Variants in RAP1GAP2 observed in about 807,000 individuals in gnomAD.
The protein encoded by RAP1GAP2 is RAP1 GTPase activating protein 2.
In RAP1GAP2, 27 loss-of-function variants were observed where a neutral mutation model predicts 95.0. That is an observed-to-expected ratio of 0.28 (90% CI 0.21 to 0.39). The LOEUF (loss-of-function observed/expected upper bound fraction) is 0.39, where lower values mean the gene tolerates loss of function less well. RAP1GAP2 is among the 10% of genes least tolerant of loss of function. The pLI, the probability that RAP1GAP2 is intolerant of heterozygous loss-of-function variation, is 1.00. For missense variants in RAP1GAP2, 771 were observed against 970.0 expected (o/e 0.79, Z 2.72); for synonymous variants, 373 against 380.9 (o/e 0.98, Z 0.24).
rs1461104147 is a variant in RAP1GAP2, at chr17:3,003,471, C to T, written c.1201-1898C>T. On this transcript the variant is annotated intron_variant, in intron 14 of 24. Transcript: ENST00000254695. The surrounding 1 kb of genome is among the most constrained non-coding windows in gnomAD (Gnocchi z 4.1). ...AGGGCCCTGTCTTTGTAGCCCCCTCCCCGTTTCCCGTCACGACTTGTCTGT... is the reference window on the plus strand; with the variant it reads ...AGGGCCCTGTCTTTGTAGCCCCCTCTCCGTTTCCCGTCACGACTTGTCTGT... 3.9e-5 allele frequency among the ~76,000 whole-genome samples: 6 copies of T among 152,144 alleles called. No homozygotes were observed.
intron 2 of RAP1GAP2, among the ~76,000 whole-genome samples, chr17:2,826,147 A>ATTTTTTTTTT (rs71150901): frequency 3.8e-3 from 410 of 108,470 alleles, no homozygotes; most frequent in African/African-American, 5.6e-3. Flanking sequence ...CGCCCAGCAA[A>ATTTTTTTTTT]TTTTTTTTTT....
intron 1 of RAP1GAP2, among the ~76,000 whole-genome samples, chr17:2,783,274 CT>C (rs1315141885): frequency 6.6e-6 from 1 of 152,180 alleles, no homozygotes; most frequent in Non-Finnish European, 1.5e-5. Flanking sequence ...CCCTAGCCAT[CT>C]GGTCCCATTT....
At chr17:3,032,502 T>A in intron 24 of RAP1GAP2, 53 bp downstream of exon 24, 1 of 1,554,662 alleles carries the variant, frequency 6.4e-7, no homozygotes, top group Non-Finnish European at 8.9e-7. Flanking sequence ...TGTGTTTCTT[T>A]TAGATCAGGG....
intron 2 of RAP1GAP2, among the ~76,000 whole-genome samples, chr17:2,821,513 C>T (rs565136770): frequency 6.6e-6 from 1 of 151,948 alleles, no homozygotes; most frequent in East Asian, 1.9e-4. Flanking sequence ...GTAGCTGGGA[C>T]CACAGCATCT....
chr17:2,787,198 C>T (rs2068804600), intron 1 of RAP1GAP2, among the ~76,000 whole-genome samples: 1 of 151,758 alleles, frequency 6.6e-6, no homozygotes, highest in Non-Finnish European at 1.5e-5. Context: ...TGATCCACCC[C>T]ACCATGGCCT....
intron 11 of RAP1GAP2, among the ~76,000 whole-genome samples, chr17:2,986,540 A>AATT (rs1471435479): frequency 5.5e-5 from 8 of 145,982 alleles, no homozygotes; most frequent in African/African-American, 2.0e-4. Context: ...CAAGAAGATA[A>AATT]TTTTTTTTTT....
At chr17:2,998,846 T>G (rs1450356626) in intron 14 of RAP1GAP2, among the ~76,000 whole-genome samples, 1 of 152,124 alleles carries the variant, frequency 6.6e-6, no homozygotes, top group Non-Finnish European at 1.5e-5. Flanking sequence ...GTGATGCCAT[T>G]TGCTCGAGTA....
intron 2 of RAP1GAP2, among the ~76,000 whole-genome samples, chr17:2,816,271 C>T (rs558316551): frequency 4.6e-5 from 7 of 151,614 alleles, no homozygotes; most frequent in African/African-American, 1.7e-4. Context: ...ACATGCAAAC[C>T]TCTGAGTACT....
chr17:2,896,427 G>C (rs1480248857), intron 2 of RAP1GAP2, among the ~76,000 whole-genome samples: 13 of 152,184 alleles, frequency 8.5e-5, no homozygotes, highest in Non-Finnish European at 4.4e-5. Flanking sequence ...AGGAGCACCG[G>C]AATGGGAGTC....
intron 1 of RAP1GAP2, among the ~76,000 whole-genome samples, chr17:2,768,606 C>T (rs2068321279): frequency 6.8e-6 from 1 of 148,108 alleles, no homozygotes; most frequent in African/African-American, 2.5e-5. Context: ...GGAGGAGAAT[C>T]ACATGAACCT....
chr17:2,840,351 GTGGGTTTC>G (rs2071319890), intron 2 of RAP1GAP2, among the ~76,000 whole-genome samples: 1 of 150,830 alleles, frequency 6.6e-6, no homozygotes, highest in Admixed American at 6.6e-5. Flanking sequence ...TTTAGTAGAG[GTGGGTTTC>G]ACCACATTGG....
At chr17:2,921,406 T>A (rs1421171138) in intron 3 of RAP1GAP2, among the ~76,000 whole-genome samples, 1 of 152,080 alleles carries the variant, frequency 6.6e-6, no homozygotes, top group Non-Finnish European at 1.5e-5. Flanking sequence ...TTTTGCCATG[T>A]TGGTCAGGCT....
At chr17:2,776,762 G>A (rs2068510281), upstream of RAP1GAP2, among the ~76,000 whole-genome samples, 1 of 150,406 alleles carries the variant, frequency 6.6e-6, no homozygotes, top group South Asian at 2.1e-4. Flanking sequence ...GGCTTTGTGC[G>A]CTGGGGCCGG....
intron 13 of RAP1GAP2, among the ~76,000 whole-genome samples, chr17:2,997,789 G>A (rs2046010036): frequency 2.0e-5 from 3 of 151,990 alleles, no homozygotes. Flanking sequence ...TGGGTGTAGT[G>A]TCACGCGTCT....
intron 2 of RAP1GAP2, among the ~76,000 whole-genome samples, chr17:2,884,441 C>G (rs563539072): frequency 2.7e-5 from 4 of 145,804 alleles, no homozygotes; most frequent in Admixed American, 6.9e-5. Context: ...GGTGCAGTCT[C>G]GGCTCACTGT....
intron 2 of RAP1GAP2, among the ~76,000 whole-genome samples, chr17:2,814,651 T>C (rs948234109): frequency 2.0e-5 from 3 of 152,038 alleles, no homozygotes; most frequent in African/African-American, 7.2e-5. Context: ...GCTGTCTCAC[T>C]GTTTGTTACC....
intron 17 of RAP1GAP2, among the ~76,000 whole-genome samples, chr17:3,014,862 G>C (rs1045934502): frequency 2.0e-5 from 3 of 152,152 alleles, no homozygotes; most frequent in Admixed American, 6.6e-5. Context: ...TGGCCGAGAT[G>C]CTGAGATTTA....
chr17:2,796,551 C>T lies in RAP1GAP2; in HGVS notation c.24C>T (p.Val8=). The stretch of plus-strand genomic sequence containing the variant: ...CCATGTTTGGCCGGAAGCGCAGTGT[C>T]TCCTTTGGGGGCTTCGGATGGTGGG... MFGRKRS[V]SFGGFGWIDK... The change falls in exon 1 of 25, where the codon GTC becomes GTT. Residue 8 remains valine, a synonymous_variant. Transcript: ENST00000254695. This position sits in a 1 kb window ranked among gnomAD's most constrained non-coding sequence, Gnocchi z 4.7. The T allele has an allele frequency of 1.3e-6, 2 of 1,564,442 alleles. No homozygotes were observed.
intron 8 of RAP1GAP2, among the ~76,000 whole-genome samples, chr17:2,969,071 G>C (rs977437395): frequency 6.6e-6 from 1 of 151,834 alleles, no homozygotes; most frequent in Non-Finnish European, 1.5e-5. Context: ...AATTGTAATG[G>C]TAGATTTTTA....
Sources: gnomAD v4.1 joint callset for allele counts (sites outside exome capture counted in the v4.1 genomes callset) on GRCh38, gnomAD v4.1.1 for gene constraint, Gnocchi (gnomAD v3.1) non-coding constraint, MANE v1.5 for transcripts, NCBI Gene and HGNC (gene_info 2026-07-23, HGNC 2026-07-21) for gene names.